Variants in SHLD2 observed in about 807,000 individuals in gnomAD.
SHLD2 encodes the protein RINN1-REV7-interacting novel NHEJ regulator 2.
Under a neutral mutation model 73.2 loss-of-function variants are expected in SHLD2, and 30 were observed. The ratio of observed to expected loss-of-function variants is 0.41; its 90% confidence interval spans 0.31 to 0.56. The LOEUF (loss-of-function observed/expected upper bound fraction) is 0.56. Among genes scored for constraint, SHLD2 ranks in the 20% least tolerant of loss-of-function variants. The pLI is 0.28. For missense variants in SHLD2, 745 were observed against 1,055.9 expected (o/e 0.71, Z 4.08); for synonymous variants, 285 against 370.1 (o/e 0.77, Z 2.64).
chr10:87,098,008 C>T (rs953506264), intron 2 of SHLD2, among the ~76,000 whole-genome samples: 1 of 151,944 alleles, frequency 6.6e-6, no homozygotes, highest in Admixed American at 6.6e-5. Flanking sequence ...ATGATCTGCC[C>T]GCCTTGGCCA....
chr10:87,160,866 C>A (rs1159860076), intron 4 of SHLD2, among the ~76,000 whole-genome samples: 2 of 152,020 alleles, frequency 1.3e-5, no homozygotes, highest in Middle Eastern at 6.9e-3. Flanking sequence ...TGGTGCATGC[C>A]TGTGGTCCCA....
chr10:87,142,760 TC>T (rs201773036), intron 2 of SHLD2, among the ~76,000 whole-genome samples: 6,326 of 146,770 alleles, frequency 0.043, 255 homozygotes, highest in Admixed American at 0.12. Flanking sequence ...CAAAGTTCTT[TC>T]TTTTTTTTTT....
intron 2 of SHLD2, among the ~76,000 whole-genome samples, chr10:87,145,809 T>C (rs929963313): frequency 1.3e-5 from 2 of 150,516 alleles, no homozygotes; most frequent in African/African-American, 4.9e-5. Flanking sequence ...GATTGAGAAA[T>C]TGTATAATTA....
rs1365793434 is a variant in SHLD2, at chr10:87,146,884, C to G, written c.-5-4466C>G. On this transcript the variant is annotated intron_variant, in intron 2 of 9. Transcript: ENST00000298786. ...CCAGCCTGACTTACATGGAGAAACCCCATCTCTACTAAAAATACAAAATTA... is the reference window on the plus strand; with the variant it reads ...CCAGCCTGACTTACATGGAGAAACCGCATCTCTACTAAAAATACAAAATTA... Among the ~76,000 whole-genome samples the G allele has an allele frequency of 4.0e-5, 6 of 151,506 alleles. No homozygotes were observed. The East Asian group carries it at 1.2e-3, about 30-fold the overall frequency.
intron 4 of SHLD2, among the ~76,000 whole-genome samples, chr10:87,158,379 T>G (rs566519781): frequency 6.6e-6 from 1 of 152,354 alleles, no homozygotes; most frequent in South Asian, 2.1e-4. Flanking sequence ...TTTCGTTTTC[T>G]TAGGCCATCA....
At chr10:87,173,690 G>A (rs1440903296) in intron 6 of SHLD2, among the ~76,000 whole-genome samples, 1 of 150,390 alleles carries the variant, frequency 6.6e-6, no homozygotes, top group Non-Finnish European at 1.5e-5. Context: ...TAAAATCCAG[G>A]AACAAAAACT....
rs182191205 is a variant in SHLD2 at position 87,110,375 on chromosome 10, C to T, written c.-6+13386C>T. Among the ~76,000 whole-genome samples, 206 of 152,048 alleles carry T rather than the reference C, an allele frequency of 1.4e-3. 2 individuals carry two copies. The highest frequency in any genetic ancestry group is 9.4e-3 in the Admixed American group (143 of 15,248). The stretch of plus-strand genomic sequence containing the variant: ...CTGTAATCCCAGCACTTTGGGAGGC[C>T]GAGGCGGGCGGATCACAAGGTCAAG... On this transcript the variant is annotated intron_variant, in intron 2 of 9. Transcript: ENST00000298786.
chr10:87,095,306 T>G (rs1181587251), intron 1 of SHLD2, 58 bp downstream of exon 1: 2 of 144,714 alleles, frequency 1.4e-5, no homozygotes, highest in Non-Finnish European at 3.0e-5. Flanking sequence ...GAGGTCGGGG[T>G]CGGGGGCTGG....
At position 87,122,402 on chromosome 10, in the gene SHLD2, A is replaced by G. The variant is rs1249264690; in HGVS notation, c.-6+25413A>G. Among the ~76,000 whole-genome samples the G allele has an allele frequency of 2.0e-5, 3 of 152,164 alleles. No homozygotes were observed. In the East Asian group the frequency reaches 5.8e-4, roughly 29 times the overall value. On this transcript the variant is annotated intron_variant, in intron 2 of 9. Coordinates refer to ENST00000298786, the MANE Select transcript of SHLD2 (RefSeq NM_001330112.2). ...TTAAAATTCACTTCCTAGCCTGTCC[A>G]TCCTTCCTTTTATTTTGTTGTTGTT...
At chr10:87,140,419 CA>C (rs59414161) in intron 2 of SHLD2, among the ~76,000 whole-genome samples, 185 of 102,308 alleles carry the variant, frequency 1.8e-3, no homozygotes, top group Non-Finnish European at 2.6e-3. Context: ...GAACCTATCT[CA>C]AAAAAAAAAA....
At chr10:87,113,091 C>T (rs1184737137) in intron 2 of SHLD2, among the ~76,000 whole-genome samples, 7 of 152,016 alleles carry the variant, frequency 4.6e-5, no homozygotes, top group Admixed American at 2.6e-4. Flanking sequence ...TTTGGGAGGC[C>T]GAGGCAGGTG....
intron 2 of SHLD2, among the ~76,000 whole-genome samples, chr10:87,142,109 A>G (rs529485396): frequency 8.5e-5 from 13 of 152,364 alleles, no homozygotes; most frequent in Admixed American, 7.8e-4. Context: ...ATAAATTTCA[A>G]AAAATTCTCT....
intron 4 of SHLD2, among the ~76,000 whole-genome samples, chr10:87,168,423 CCT>C (rs1847353125): frequency 6.6e-6 from 1 of 151,810 alleles, no homozygotes; most frequent in African/African-American, 2.4e-5. Context: ...GTGGCAAAAC[CCT>C]GTCTCTACAA....
chr10:87,150,231 A>C (rs1243648462), intron 2 of SHLD2, among the ~76,000 whole-genome samples: 1 of 150,844 alleles, frequency 6.6e-6, no homozygotes, highest in Non-Finnish European at 1.5e-5. Flanking sequence ...CAGCTGGCTA[A>C]TTTTTGTATT....
chr10:87,181,490 A>G (rs1848312860), intron 8 of SHLD2, among the ~76,000 whole-genome samples: 1 of 152,232 alleles, frequency 6.6e-6, no homozygotes, highest in Non-Finnish European at 1.5e-5. Context: ...GTCATTCCAA[A>G]TGTTTCTATT....
In SHLD2 at chr10:87,172,046, TAGA is replaced by T. The variant is rs544375095; in HGVS notation, c.1963+1076_1963+1078del. ...TTAAAATTAATAGTTTTTTGGTTAA[TAGA>T]AGAGAAATTACAGTTGTCTCTAGGT... On this transcript the variant is annotated intron_variant, in intron 6 of 9. Transcript: ENST00000298786. Among the ~76,000 whole-genome samples, 91 of 152,336 alleles carry T rather than the reference TAGA, an allele frequency of 6.0e-4. 4 individuals are homozygous for T. The South Asian group carries it at 0.018, about 31-fold the overall frequency.
Position 87,188,999 on chromosome 10 carries a change from CTT to C in SHLD2, c.2516-1484_2516-1483del, listed in dbSNP as rs1330301355. On this transcript the variant is annotated intron_variant, in intron 9 of 9. Coordinates refer to ENST00000298786, the MANE Select transcript of SHLD2 (RefSeq NM_001330112.2). ...TACTTATATATTTTCAGTGTAATCTCTTCTTTTTTTTTTTTTTTTGAGATGGA... is the reference window on the plus strand; with the variant it reads ...TACTTATATATTTTCAGTGTAATCTCCTTTTTTTTTTTTTTTTGAGATGGA... Among the ~76,000 whole-genome samples, 4 of 112,476 alleles carry C rather than the reference CTT, an allele frequency of 3.6e-5. No individual in the cohort carries two copies. In the East Asian group the frequency reaches 6.2e-4, roughly 17 times the overall value. 73.8% of individuals were successfully genotyped at this position (112,476 alleles called of 152,430 possible).
intron 4 of SHLD2, among the ~76,000 whole-genome samples, chr10:87,162,237 G>C (rs1251537739): frequency 6.6e-6 from 1 of 151,918 alleles, no homozygotes; most frequent in African/African-American, 2.4e-5. Flanking sequence ...TCAGAATCCA[G>C]GGGCAGTAGA....
chr10:87,156,147 A>G (rs1295826271), intron 3 of SHLD2, among the ~76,000 whole-genome samples: 1 of 150,984 alleles, frequency 6.6e-6, no homozygotes, highest in African/African-American at 2.4e-5. Context: ...GCTCACTGCA[A>G]CCTCTGCCTC....
Sources: allele counts gnomAD v4.1 joint callset (sites outside exome capture counted in the v4.1 genomes callset), GRCh38; gene constraint gnomAD v4.1.1; transcripts MANE v1.5; gene names NCBI Gene and HGNC (gene_info 2026-07-23, HGNC 2026-07-21).